SRPK2: variants seen among roughly 807,000 people sequenced by gnomAD.
SRPK2 encodes the protein SFRS protein kinase 2.
A neutral mutation model predicts 90.8 loss-of-function variants in SRPK2; 21 were observed. The ratio of observed to expected loss-of-function variants is 0.23; its 90% CI spans 0.16 to 0.33. SRPK2 has a LOEUF of 0.33. Ranked by LOEUF, SRPK2 falls within the 10% of genes least tolerant of loss-of-function variation. The pLI, the probability that SRPK2 is intolerant of heterozygous loss-of-function variation, is 1.00. For synonymous variants in SRPK2, 288 were observed against 311.1 expected, an observed-to-expected ratio of 0.93 and a Z score of 0.78; for missense variants, 620 against 869.0, an observed-to-expected ratio of 0.71 and a Z score of 3.60.
intron 2 of SRPK2, among the ~76,000 whole-genome samples, chr7:105,356,066 A>T (rs1477908784): frequency 1.3e-5 from 2 of 152,054 alleles, no homozygotes; most frequent in South Asian, 2.1e-4. Context: ...TAAATTAAAT[A>T]AATAAATATC....
chr7:105,363,247 A>T (rs1192122098), intron 2 of SRPK2, among the ~76,000 whole-genome samples: 1 of 152,108 alleles, frequency 6.6e-6, no homozygotes, highest in Admixed American at 6.6e-5. Context: ...AACAACCTAC[A>T]GAATGGGAGA....
chr7:105,160,264 C>G (rs1489344087), intron 7 of SRPK2: 1 of 272,084 alleles, frequency 3.7e-6, no homozygotes. Flanking sequence ...AAAAAAAAAA[C>G]GACAGGCAAA....
rs180808191 is a variant in SRPK2, at chr7:105,277,116, G to A, written c.72-73331C>T. ...TTTTGAGACAGAGTCTCACTCTGTC[G>A]CCCAGGCTGGAGTGCAGTGGCGTGA... On this transcript the variant is annotated intron_variant, in intron 2 of 15. Coordinates refer to ENST00000393651, the MANE Select transcript of SRPK2 (RefSeq NM_182692.3). 1.5e-4 allele frequency among the ~76,000 whole-genome samples: 23 copies of A among 151,470 alleles called. No individual in the cohort carries two copies. In the East Asian group the frequency reaches 3.5e-3, roughly 23 times the overall value.
intron 2 of SRPK2, chr7:105,244,924 G>A: frequency 6.7e-7 from 1 of 1,481,766 alleles, no homozygotes; most frequent in Non-Finnish European, 9.3e-7. Flanking sequence ...GAGGAGCAAA[G>A]CAACGTCCTG....
intron 2 of SRPK2, among the ~76,000 whole-genome samples, chr7:105,357,619 T>A (rs944604328): frequency 6.6e-6 from 1 of 151,698 alleles, no homozygotes; most frequent in Non-Finnish European, 1.5e-5. Flanking sequence ...TGGTGTGCGC[T>A]TGTTACCCCA....
Position 105,258,868 on chromosome 7 carries a change from G to T in SRPK2, c.72-55083C>A, listed in dbSNP as rs149548191. Among the ~76,000 whole-genome samples the T allele has an allele frequency of 1.9e-3, 282 of 152,240 alleles. 2 individuals carry two copies. Among genetic ancestry groups the T allele is most frequent in the Non-Finnish European group, 1.9e-3 (130 of 68,016 alleles). On this transcript the variant is annotated intron_variant, in intron 2 of 15. Coordinates refer to ENST00000393651, the MANE Select transcript of SRPK2 (RefSeq NM_182692.3). ...ATGCTAAAAACGCTCAGTAAACTAG[G>T]TATTGATGGAACCTATCTCAAAGTA...
At chr7:105,118,067 G>A in intron 15 of SRPK2, 45 bp from the exon 16 acceptor site, 1 of 1,599,444 alleles carries the variant, frequency 6.3e-7, no homozygotes, top group Non-Finnish European at 8.5e-7. Context: ...CTCCAAATCT[G>A]CATTCCCCAT....
chr7:105,206,789 T>C (rs556569257), intron 2 of SRPK2, among the ~76,000 whole-genome samples: 1 of 152,228 alleles, frequency 6.6e-6, no homozygotes, highest in Non-Finnish European at 1.5e-5. Flanking sequence ...AATTTTCTAC[T>C]TGCTCAATAT....
At chr7:105,184,006 C>G (rs1793244189) in intron 3 of SRPK2, among the ~76,000 whole-genome samples, 1 of 108,602 alleles carries the variant, frequency 9.2e-6, no homozygotes. Context: ...GAGATGGAGT[C>G]TCTCTGTTGT....
At chr7:105,306,035 AAAC>A (rs1243590834) in intron 2 of SRPK2, among the ~76,000 whole-genome samples, 1 of 152,226 alleles carries the variant, frequency 6.6e-6, no homozygotes, top group East Asian at 1.9e-4. Flanking sequence ...CTTCAGCTTA[AAAC>A]AACACCTACA....
intron 2 of SRPK2, among the ~76,000 whole-genome samples, chr7:105,223,596 C>T (rs1350345113): frequency 6.6e-6 from 1 of 152,202 alleles, no homozygotes; most frequent in Non-Finnish European, 1.5e-5. Flanking sequence ...TCAACTATAG[C>T]ACCTCCCGGG....
intron 11 of SRPK2, among the ~76,000 whole-genome samples, chr7:105,137,113 T>C (rs920680125): frequency 6.6e-6 from 1 of 152,060 alleles, no homozygotes; most frequent in African/African-American, 2.4e-5. Context: ...AAGGCAGGCA[T>C]GAAAGTAAGA....
intron 1 of SRPK2, among the ~76,000 whole-genome samples, chr7:105,396,664 A>G (rs1228762923): frequency 6.9e-6 from 1 of 145,686 alleles, no homozygotes; most frequent in East Asian, 2.3e-4. Context: ...AGAGAAAAGA[A>G]GAAGAAGAGG....
chr7:105,280,660 G>A (rs997613869), intron 2 of SRPK2, among the ~76,000 whole-genome samples: 1 of 49,938 alleles, frequency 2.0e-5, no homozygotes, highest in Non-Finnish European at 6.7e-5. Flanking sequence ...AAAAAAAGGG[G>A]GGGGGGGCCG....
At chr7:105,233,139 GGAA>G (rs1563120428) in intron 2 of SRPK2, among the ~76,000 whole-genome samples, 15 of 146,046 alleles carry the variant, frequency 1.0e-4, no homozygotes, top group African/African-American at 3.8e-4. Context: ...AAGGAAGGAA[GGAA>G]GGAAGGAAGG....
At chr7:105,322,622 G>A (rs1018004208) in intron 2 of SRPK2, among the ~76,000 whole-genome samples, 2 of 152,062 alleles carry the variant, frequency 1.3e-5, no homozygotes, top group Non-Finnish European at 2.9e-5. Flanking sequence ...GTTTCTTACT[G>A]GGGTGACAAA....
chr7:105,381,170 G>C (rs754148112), intron 2 of SRPK2, among the ~76,000 whole-genome samples: 15 of 151,964 alleles, frequency 9.9e-5, no homozygotes, highest in Non-Finnish European at 2.1e-4. Flanking sequence ...CCTGAACCCA[G>C]GAGGCAGAGG....
At chr7:105,326,066 A>T (rs1057406906) in intron 2 of SRPK2, among the ~76,000 whole-genome samples, 10 of 152,208 alleles carry the variant, frequency 6.6e-5, no homozygotes, top group Non-Finnish European at 1.2e-4. Flanking sequence ...TCATCCTGGA[A>T]AACAAGGTGT....
intron 2 of SRPK2, among the ~76,000 whole-genome samples, chr7:105,266,472 A>C (rs1245899012): frequency 6.6e-6 from 1 of 152,142 alleles, no homozygotes; most frequent in African/African-American, 2.4e-5. Flanking sequence ...GAACAAAATC[A>C]GTTGTGGTGA....
Sources: gnomAD v4.1 joint callset for allele counts (sites outside exome capture counted in the v4.1 genomes callset) on GRCh38, gnomAD v4.1.1 for gene constraint, MANE v1.5 for transcripts, NCBI Gene and HGNC (gene_info 2026-07-23, HGNC 2026-07-21) for gene names.